Variants in CPQ observed in about 807,000 individuals in gnomAD.
CPQ encodes the protein carboxypeptidase Q, also known as Ser-Met dipeptidase.
In CPQ, 37 loss-of-function variants were observed where a neutral mutation model predicts 45.7. That is an observed-to-expected ratio of 0.81 (90% CI 0.62 to 1.07). The LOEUF (loss-of-function observed/expected upper bound fraction) is 1.07. Among genes scored for constraint, CPQ ranks in the 50% least tolerant of loss-of-function variants. The pLI, the probability that CPQ is intolerant of heterozygous loss-of-function variation, is 0.00. For missense variants in CPQ, 537 were observed against 572.9 expected (o/e 0.94, Z 0.64); for synonymous variants, 186 against 205.8 (o/e 0.90, Z 0.82).
chr8:97,068,852 C>T (rs1018617962), intron 7 of CPQ, among the ~76,000 whole-genome samples: 2 of 152,184 alleles, frequency 1.3e-5, no homozygotes, highest in Non-Finnish European at 2.9e-5. Context: ...GGGCAGGAGT[C>T]ACCCTGAGAA....
At chr8:96,726,326 G>T (rs1052359382) in intron 1 of CPQ, among the ~76,000 whole-genome samples, 2 of 152,118 alleles carry the variant, frequency 1.3e-5, no homozygotes, top group Non-Finnish European at 2.9e-5. Flanking sequence ...ATAACAGATT[G>T]ATTGCTTATC....
At chr8:96,844,208 A>C (rs1240834809) in intron 3 of CPQ, among the ~76,000 whole-genome samples, 1 of 152,218 alleles carries the variant, frequency 6.6e-6, no homozygotes, top group Non-Finnish European at 1.5e-5. Flanking sequence ...GTAATGTAGC[A>C]TATGAACCAA....
At chr8:96,710,143 T>C in intron 1 of CPQ, among the ~76,000 whole-genome samples, 1 of 152,206 alleles carries the variant, frequency 6.6e-6, no homozygotes, top group East Asian at 1.9e-4. Context: ...TAAGAACTTA[T>C]CCATTTCCTC....
At chr8:96,938,092 C>T (rs993394028) in intron 4 of CPQ, among the ~76,000 whole-genome samples, 3 of 152,094 alleles carry the variant, frequency 2.0e-5, no homozygotes, top group Non-Finnish European at 2.9e-5. Context: ...TAATATTTTC[C>T]TTCTTTAAAT....
Position 96,836,063 on chromosome 8 carries a change from A to G in CPQ, c.641+883A>G, listed in dbSNP as rs574164053. Among the ~76,000 whole-genome samples the G allele has an allele frequency of 8.5e-5, 13 of 152,332 alleles. 1 individual carries two copies. The South Asian group carries it at 2.7e-3, about 32-fold the overall frequency. ...GATAAAATATTTGAGAAACATGGGG[A>G]AAAGAAGCATAACTTTAGTGTGATA... On this transcript the variant is annotated intron_variant, in intron 3 of 7. Coordinates refer to ENST00000220763, the MANE Select transcript of CPQ (RefSeq NM_016134.4).
chr8:97,022,992 TATAC>T lies in CPQ; in HGVS notation c.962-6409_962-6406del, dbSNP rs1449545748. 1.5e-3 allele frequency among the ~76,000 whole-genome samples: 225 copies of T among 147,420 alleles called. 3 individuals are homozygous for T. Among genetic ancestry groups the T allele is most frequent in the Admixed American group, 0.012 (173 of 14,694 alleles). ...ATATATATACTGTATATAGTATATATATACAGTATATATATACTATATATAGTAT... is the reference window on the plus strand; with the variant it reads ...ATATATATACTGTATATAGTATATATAGTATATATATACTATATATAGTAT... On this transcript the variant is annotated intron_variant, in intron 5 of 7. Transcript: ENST00000220763.
At chr8:96,787,911 ACTTG>A (rs1810792927) in intron 2 of CPQ, among the ~76,000 whole-genome samples, 1 of 151,774 alleles carries the variant, frequency 6.6e-6, no homozygotes, top group Non-Finnish European at 1.5e-5. Context: ...CACTGCTGTC[ACTTG>A]CTTTTGGGCA....
At chr8:96,827,509 C>A (rs117850174) in intron 2 of CPQ, among the ~76,000 whole-genome samples, 3 of 152,122 alleles carry the variant, frequency 2.0e-5, no homozygotes, top group Admixed American at 6.6e-5. Context: ...GAAGTCATAT[C>A]CACTTTGTTT....
chr8:97,013,677 G>C (rs1208328590), intron 5 of CPQ, among the ~76,000 whole-genome samples: 1 of 152,178 alleles, frequency 6.6e-6, no homozygotes, highest in Non-Finnish European at 1.5e-5. Context: ...TGGAAAGAAA[G>C]TGAGGAGGCC....
At chr8:96,792,520 T>TTTTTATTATGTTTGGTGTATG (rs1810861733) in intron 2 of CPQ, among the ~76,000 whole-genome samples, 1 of 152,164 alleles carries the variant, frequency 6.6e-6, no homozygotes, top group Non-Finnish European at 1.5e-5. Context: ...GGATTGTATG[T>TTTTTATTATGTTTGGTGTATG]TTTTATTATG....
chr8:96,700,500 AGG>A (rs2130745127), intron 1 of CPQ, among the ~76,000 whole-genome samples: 1 of 152,210 alleles, frequency 6.6e-6, no homozygotes, highest in East Asian at 1.9e-4. Flanking sequence ...TCTTGTTTTG[AGG>A]GCATTCTCAG....
chr8:96,699,569 A>G (rs965967265), intron 1 of CPQ, among the ~76,000 whole-genome samples: 12 of 152,172 alleles, frequency 7.9e-5, no homozygotes, highest in African/African-American at 2.7e-4. Context: ...TACACATTGT[A>G]TGCCTTTATC....
At chr8:97,023,180 T>C (rs1809740708) in intron 5 of CPQ, among the ~76,000 whole-genome samples, 1 of 151,344 alleles carries the variant, frequency 6.6e-6, no homozygotes, top group Admixed American at 6.6e-5. Flanking sequence ...CGCAGTGACC[T>C]GGATGAGACT....
intron 6 of CPQ, among the ~76,000 whole-genome samples, chr8:97,051,375 T>C (rs1022103797): frequency 1.3e-5 from 2 of 152,216 alleles, no homozygotes; most frequent in African/African-American, 4.8e-5. Flanking sequence ...CCAAATGAAT[T>C]AAACAAGATC....
At position 97,054,743 on chromosome 8, in the gene CPQ, G is replaced by A. The variant is rs1239379136; in HGVS notation, c.1054-11266G>A. 2.6e-5 allele frequency among the ~76,000 whole-genome samples: 4 copies of A among 152,090 alleles called. No individual in the cohort carries two copies. In the East Asian group the frequency reaches 5.8e-4, roughly 22 times the overall value. On this transcript the variant is annotated intron_variant, in intron 6 of 7. Coordinates refer to ENST00000220763, the MANE Select transcript of CPQ (RefSeq NM_016134.4). The stretch of plus-strand genomic sequence containing the variant: ...ATGGGTATGCAAAGACAAACAGGGT[G>A]GTATAATGGACACTGGAGACTTAGA...
chr8:96,705,348 T>C (rs1809519057), intron 1 of CPQ, among the ~76,000 whole-genome samples: 1 of 152,176 alleles, frequency 6.6e-6, no homozygotes, highest in African/African-American at 2.4e-5. Flanking sequence ...GCATGAAATA[T>C]ATCTGTTATT....
At chr8:96,967,607 T>A (rs1399081990) in intron 5 of CPQ, among the ~76,000 whole-genome samples, 6 of 152,334 alleles carry the variant, frequency 3.9e-5, no homozygotes, top group Admixed American at 3.9e-4. Flanking sequence ...TACATCGACT[T>A]CAGTTGCTTT....
chr8:96,763,676 A>T (rs1199189961), intron 1 of CPQ, among the ~76,000 whole-genome samples: 1 of 152,158 alleles, frequency 6.6e-6, no homozygotes, highest in Non-Finnish European at 1.5e-5. Flanking sequence ...ATATATAAAA[A>T]ACTCTAAGAT....
intron 2 of CPQ, among the ~76,000 whole-genome samples, chr8:96,823,811 A>T (rs1811342277): frequency 6.6e-6 from 1 of 152,070 alleles, no homozygotes; most frequent in Non-Finnish European, 1.5e-5. Flanking sequence ...GGCATATTGT[A>T]AGACCTATAG....
Sources: gnomAD v4.1 joint callset for allele counts (sites outside exome capture counted in the v4.1 genomes callset) on GRCh38, gnomAD v4.1.1 for gene constraint, MANE v1.5 for transcripts, NCBI Gene and HGNC (gene_info 2026-07-23, HGNC 2026-07-21) for gene names.